The following TMEM114 variants were observed in gnomAD, a reference collection of about 807,000 sequenced individuals.
TMEM114 encodes claudin-26.
Under a neutral mutation model 6.2 loss-of-function variants are expected in TMEM114, and 6 were observed. The ratio of observed to expected loss-of-function variants is 0.97; its 90% CI spans 0.53 to 1.91. The LOEUF (loss-of-function observed/expected upper bound fraction) is 1.91, where lower values mean the gene tolerates loss of function less well. Among genes scored for constraint, TMEM114 ranks in the 40% most tolerant of loss-of-function variants. The probability of loss-of-function intolerance (pLI) is 0.01; values close to 1 mark genes in which losing one functional copy is unlikely to be tolerated. For synonymous variants in TMEM114, 104 were observed against 73.0 expected (o/e 1.42, Z -2.16); for missense variants, 218 against 158.3 (o/e 1.38, Z -2.02).
chr16:8,574,104 T>C (rs1901833039), intron 2 of TMEM114, among the ~76,000 whole-genome samples: 2 of 152,166 alleles, frequency 1.3e-5, no homozygotes, highest in Non-Finnish European at 1.5e-5. Context: ...GCCCAATAGA[T>C]GACCTCATGG....
the TMEM114 span, among the ~76,000 whole-genome samples, chr16:8,529,385 G>C: frequency 1.3e-5 from 2 of 152,302 alleles, no homozygotes; most frequent in African/African-American, 4.8e-5. Context: ...TAGTGGAAAT[G>C]GCTCTTCCTT....
chr16:8,557,744 C>T (rs1901061813), intron 2 of TMEM114, among the ~76,000 whole-genome samples: 1 of 152,184 alleles, frequency 6.6e-6, no homozygotes, highest in Non-Finnish European at 1.5e-5. Context: ...AAGATAATAA[C>T]AGCACCTACT....
chr16:8,545,265 C>A (rs771682757), intron 2 of TMEM114, among the ~76,000 whole-genome samples: 1 of 152,014 alleles, frequency 6.6e-6, no homozygotes, highest in African/African-American at 2.4e-5. Flanking sequence ...TAGCAAGAGC[C>A]CTTATCTACA....
intron 2 of TMEM114, among the ~76,000 whole-genome samples, chr16:8,553,586 C>A (rs567082278): frequency 3.9e-5 from 6 of 151,992 alleles, no homozygotes; most frequent in Non-Finnish European, 7.4e-5. Context: ...CCTGGGTTCA[C>A]GCCATTCTCC....
In TMEM114 at chr16:8,589,640, C is replaced by T; in HGVS notation, c.199G>A (p.Gly67Ser). Residue 67 changes from glycine to serine, a missense_variant, in exon 1 of 4, where the codon GGC (glycine) becomes AGC (serine). Physicochemically the swap from Gly to Ser is moderately conservative, Grantham distance 56 (BLOSUM62 0). Coordinates refer to ENST00000620492, the MANE Select transcript of TMEM114 (RefSeq NM_001146336.2). Reference sequence around the variant, plus strand: ...TTACCCCGGCAGGTCCGCCAGAGGCCGGAGTGGGAGCTCAGAGGCTCGGGC... The same window carrying T: ...TTACCCCGGCAGGTCCGCCAGAGGCTGGAGTGGGAGCTCAGAGGCTCGGGC... ...SQPEPLSSHS[G>S]LWRTCRVQSP... 2.5e-6 allele frequency: 1 copy of T among 398,464 alleles called. No individual in the cohort carries two copies. 24.7% of individuals were successfully genotyped at this position (398,464 alleles called of 1,614,324 possible).
the TMEM114 span, among the ~76,000 whole-genome samples, chr16:8,530,239 A>G: frequency 1.3e-5 from 2 of 152,154 alleles, no homozygotes; most frequent in African/African-American, 4.8e-5. Flanking sequence ...ACTCTCAGCA[A>G]AGTATCTGAG....
In TMEM114 at chr16:8,572,432, T is replaced by A. The variant is rs565999923; in HGVS notation, c.302-208A>T. The A allele has an allele frequency of 3.7e-4, 224 of 613,470 alleles. 4 individuals are homozygous for A. The East Asian group carries it at 6.7e-3, about 18-fold the overall frequency. The allele number at this position is 613,470 out of a possible 1,614,324, so 38.0% of individuals were successfully genotyped here. On this transcript the variant is annotated intron_variant, in intron 2 of 3. Coordinates refer to ENST00000620492, the MANE Select transcript of TMEM114 (RefSeq NM_001146336.2). ...TCTCGTGCAAGGCTGTGTGCTTTGT[T>A]CTTGTTGTTTGTTTTGTTTTTGAGA...
At chr16:8,567,223 T>C (rs937270613), downstream of TMEM114, among the ~76,000 whole-genome samples, 1 of 152,120 alleles carries the variant, frequency 6.6e-6, no homozygotes, top group African/African-American at 2.4e-5. Context: ...CACCCTGTTT[T>C]GTTTTCTTCA....
chr16:8,578,488 A>T (rs1258158674), intron 2 of TMEM114, among the ~76,000 whole-genome samples: 1 of 152,078 alleles, frequency 6.6e-6, no homozygotes, highest in Non-Finnish European at 1.5e-5. Flanking sequence ...TTAGTCCAAG[A>T]TTATCTCATC....
chr16:8,548,089 A>G (rs73505751), intron 2 of TMEM114, among the ~76,000 whole-genome samples: 1,921 of 152,308 alleles, frequency 0.013, 42 homozygotes, highest in African/African-American at 0.044. Flanking sequence ...AACGGCTGCA[A>G]GCAAGACCCT....
downstream of TMEM114, among the ~76,000 whole-genome samples, chr16:8,566,070 A>C (rs952508896): frequency 1.3e-5 from 2 of 152,162 alleles, no homozygotes; most frequent in African/African-American, 4.8e-5. Context: ...GGCAGGACAG[A>C]TCGAAACAGA....
chr16:8,588,149 T>A (rs1366980897), intron 2 of TMEM114, among the ~76,000 whole-genome samples: 1 of 151,940 alleles, frequency 6.6e-6, no homozygotes, highest in East Asian at 1.9e-4. Context: ...TAGCCCGACG[T>A]GGAGGCAGGC....
At chr16:8,557,907 G>T (rs1901066150) in intron 2 of TMEM114, among the ~76,000 whole-genome samples, 1 of 152,168 alleles carries the variant, frequency 6.6e-6, no homozygotes, top group South Asian at 2.1e-4. Flanking sequence ...CACAAATTAG[G>T]TGGCTTAAAA....
chr16:8,561,965 G>C (rs1398646697), intron 2 of TMEM114, among the ~76,000 whole-genome samples: 3 of 149,722 alleles, frequency 2.0e-5, no homozygotes, highest in Non-Finnish European at 4.4e-5. Context: ...AGGGAGGGAG[G>C]GAATGAGTGA....
intron 2 of TMEM114, among the ~76,000 whole-genome samples, chr16:8,543,552 C>G (rs960291760): frequency 1.3e-5 from 2 of 152,072 alleles, no homozygotes; most frequent in Admixed American, 6.5e-5. Context: ...ACCCCTCCCA[C>G]CGAAACATCA....
downstream of TMEM114, among the ~76,000 whole-genome samples, chr16:8,567,081 G>A (rs1344410772): frequency 9.7e-6 from 1 of 103,498 alleles, no homozygotes; most frequent in African/African-American, 3.4e-5. Flanking sequence ...TTTTTTTTTT[G>A]TATTTTTAGT....
chr16:8,533,822 T>A (rs10153214), downstream of TMEM114, among the ~76,000 whole-genome samples: 1 of 151,960 alleles, frequency 6.6e-6, no homozygotes, highest in South Asian at 2.1e-4. Flanking sequence ...CTCAGATGGG[T>A]TTCCTGTGAT....
intron 2 of TMEM114, among the ~76,000 whole-genome samples, chr16:8,563,829 ATGAG>A (rs1402022997): frequency 2.5e-5 from 3 of 122,126 alleles, no homozygotes; most frequent in African/African-American, 1.0e-4. Context: ...GAGTGAGTGA[ATGAG>A]TGAGGGAGGG....
chr16:8,564,637 A>G (rs1365775717), downstream of TMEM114, among the ~76,000 whole-genome samples: 44 of 101,100 alleles, frequency 4.4e-4, 1 homozygote, highest in Admixed American at 5.8e-4. Context: ...GAGTGAGTGA[A>G]TGAGTGAGTA....
Sources: allele counts gnomAD v4.1 joint callset (sites outside exome capture counted in the v4.1 genomes callset), GRCh38; gene constraint gnomAD v4.1.1; transcripts MANE v1.5; gene names NCBI Gene and HGNC (gene_info 2026-07-23, HGNC 2026-07-21).